Variants in ADARB2 observed in about 807,000 individuals in gnomAD.
ADARB2 encodes inactive double-stranded RNA-specific editase B2.
ADARB2 carries 25 observed loss-of-function variants against 62.2 expected under a neutral mutation model. The ratio of observed to expected loss-of-function variants is 0.40; its 90% CI spans 0.29 to 0.56. The LOEUF is 0.56. Ranked by LOEUF, ADARB2 falls within the 20% of genes least tolerant of loss-of-function variation. ADARB2 has a pLI of 0.43. For missense variants in ADARB2, 1,071 were observed against 1,077.4 expected (o/e 0.99, Z 0.08); for synonymous variants, 572 against 500.8 (o/e 1.14, Z -1.90).
At chr10:1,499,247 C>A (rs560571484) in intron 1 of ADARB2, among the ~76,000 whole-genome samples, 30 of 149,752 alleles carry the variant, frequency 2.0e-4, no homozygotes, top group African/African-American at 7.2e-4. Flanking sequence ...ACTCATGCAT[C>A]ATTCATCATT....
intron 2 of ADARB2, among the ~76,000 whole-genome samples, chr10:1,364,755 A>G (rs560214665): frequency 6.6e-6 from 1 of 152,156 alleles, no homozygotes; most frequent in Non-Finnish European, 1.5e-5. Context: ...TCGGCTTCCC[A>G]GGTATCGTGT....
Position 1,426,355 on chromosome 10 carries a change from C to G in ADARB2, c.101-47195G>C, listed in dbSNP as rs1832893278. 6.6e-6 allele frequency among the ~76,000 whole-genome samples: 1 copy of G among 152,144 alleles called. No individual in the cohort carries two copies. Among genetic ancestry groups the G allele is most frequent in the Non-Finnish European group, 1.5e-5 (1 of 68,046 alleles). ...AGGAGAGAACTGCCTTATTCCTGGG[C>G]ACTGGCCTTTTTAAATCCTTTCTTT... On this transcript the variant is annotated intron_variant, in intron 1 of 9. Coordinates refer to ENST00000381312, the MANE Select transcript of ADARB2 (RefSeq NM_018702.4). The surrounding 1 kb of genome is among the most constrained non-coding windows in gnomAD (Gnocchi z 4.1).
rs1039263234 is a variant in ADARB2, at chr10:1,410,766, A to T, written c.101-31606T>A. ...GCTTTGATTCACCACGGGGATGAGCAGGAATCGTCGGTGCAATTTTACCTG... is the reference window on the plus strand; with the variant it reads ...GCTTTGATTCACCACGGGGATGAGCTGGAATCGTCGGTGCAATTTTACCTG... On this transcript the variant is annotated intron_variant, in intron 1 of 9. Transcript: ENST00000381312. 2.0e-5 allele frequency among the ~76,000 whole-genome samples: 3 copies of T among 152,176 alleles called. No homozygotes were observed. The East Asian group carries it at 5.8e-4, about 29-fold the overall frequency.
intron 1 of ADARB2, among the ~76,000 whole-genome samples, chr10:1,637,633 A>G (rs181046974): frequency 6.6e-6 from 1 of 152,248 alleles, no homozygotes; most frequent in Non-Finnish European, 1.5e-5. Context: ...TTGTCCTCTA[A>G]CAGTATGATT....
intron 1 of ADARB2, among the ~76,000 whole-genome samples, chr10:1,432,210 G>A (rs189654984): frequency 5.3e-4 from 80 of 152,226 alleles, no homozygotes; most frequent in African/African-American, 1.8e-3. Flanking sequence ...ATGAATGAAT[G>A]AATGAATGAT....
intron 1 of ADARB2, chr10:1,535,093 A>G (rs559072503): frequency 3.0e-5 from 5 of 166,750 alleles, no homozygotes; most frequent in Admixed American, 6.5e-5. Context: ...TCGCCAACCC[A>G]TGGGTCCTCA....
chr10:1,312,706 G>A (rs942523823), intron 3 of ADARB2, among the ~76,000 whole-genome samples: 7 of 152,180 alleles, frequency 4.6e-5, no homozygotes, highest in African/African-American at 7.2e-5. Flanking sequence ...TGCCCAACCC[G>A]CATGGGCAGG....
intron 1 of ADARB2, among the ~76,000 whole-genome samples, chr10:1,631,827 A>G (rs1004985591): frequency 5.3e-5 from 8 of 152,214 alleles, no homozygotes; most frequent in Non-Finnish European, 1.5e-5. Flanking sequence ...ATTTTATCAG[A>G]TTATTGTAGT....
chr10:1,374,251 A>T (rs1234646510), intron 2 of ADARB2, among the ~76,000 whole-genome samples: 4 of 152,216 alleles, frequency 2.6e-5, no homozygotes, highest in Non-Finnish European at 5.9e-5. Flanking sequence ...GATAAATACC[A>T]CAAGCCAGGG....
chr10:1,603,620 G>A (rs1182511559), intron 1 of ADARB2, among the ~76,000 whole-genome samples: 1 of 151,370 alleles, frequency 6.6e-6, no homozygotes, highest in African/African-American at 2.4e-5. Flanking sequence ...TTGCACTTTT[G>A]TGGTTTATGT....
At chr10:1,618,766 T>C (rs1833673443) in intron 1 of ADARB2, among the ~76,000 whole-genome samples, 1 of 152,130 alleles carries the variant, frequency 6.6e-6, no homozygotes, top group African/African-American at 2.4e-5. Flanking sequence ...TAAATACAAA[T>C]AAAAGAGTAT....
At chr10:1,650,762 T>A (rs553516529) in intron 1 of ADARB2, among the ~76,000 whole-genome samples, 1 of 152,206 alleles carries the variant, frequency 6.6e-6, no homozygotes. Context: ...TGACAGTTAA[T>A]GACACTTGAG....
At chr10:1,413,940 C>T (rs1467741616) in intron 1 of ADARB2, among the ~76,000 whole-genome samples, 1 of 152,192 alleles carries the variant, frequency 6.6e-6, no homozygotes, top group Non-Finnish European at 1.5e-5. Flanking sequence ...TTGCAGGTCT[C>T]ACGGTGATGT....
At chr10:1,245,584 G>A (rs544994505) in intron 4 of ADARB2, among the ~76,000 whole-genome samples, 37 of 150,578 alleles carry the variant, frequency 2.5e-4, no homozygotes, top group African/African-American at 4.4e-4. Context: ...GAGGACATGC[G>A]GTGTTTGGTT....
chr10:1,404,034 A>C (rs1832686266), intron 1 of ADARB2, among the ~76,000 whole-genome samples: 1 of 152,218 alleles, frequency 6.6e-6, no homozygotes, highest in Non-Finnish European at 1.5e-5. Flanking sequence ...AGCCAGGGTC[A>C]GGGGCTTCCT....
chr10:1,729,251 T>C (rs1835203328), intron 1 of ADARB2, among the ~76,000 whole-genome samples: 1 of 152,250 alleles, frequency 6.6e-6, no homozygotes, highest in Non-Finnish European at 1.5e-5. Flanking sequence ...ATAAAACAAA[T>C]CATTTGTAGA....
intron 1 of ADARB2, among the ~76,000 whole-genome samples, chr10:1,687,810 CG>C (rs550232061): frequency 6.6e-6 from 1 of 151,830 alleles, no homozygotes; most frequent in African/African-American, 2.4e-5. Context: ...CCTTGCTGGC[CG>C]GGGGGGAAAA....
chr10:1,410,396 A>G (rs1273520778), intron 1 of ADARB2, among the ~76,000 whole-genome samples: 12 of 152,194 alleles, frequency 7.9e-5, no homozygotes, highest in Admixed American at 7.9e-4. Context: ...CGAGCACAGT[A>G]TCAGGGATGG....
At chr10:1,249,607 T>G (rs2131782136) in intron 4 of ADARB2, among the ~76,000 whole-genome samples, 1 of 149,334 alleles carries the variant, frequency 6.7e-6, no homozygotes, top group East Asian at 1.9e-4. Context: ...TTCCTGAATG[T>G]GATTTTATGC....
Sources: gnomAD v4.1 joint callset for allele counts (sites outside exome capture counted in the v4.1 genomes callset) on GRCh38, gnomAD v4.1.1 for gene constraint, Gnocchi (gnomAD v3.1) non-coding constraint, MANE v1.5 for transcripts, NCBI Gene and HGNC (gene_info 2026-07-23, HGNC 2026-07-21) for gene names.